The following SLC9C1 variants were observed in gnomAD, a reference collection of about 807,000 sequenced individuals.
The protein encoded by SLC9C1 is solute carrier family 9 member C1, also known as sodium/hydrogen exchanger 10.
In SLC9C1, 97 loss-of-function variants were observed where a neutral mutation model predicts 140.9. The observed-to-expected ratio is 0.69, with a 90% CI of 0.58 to 0.82. The LOEUF (loss-of-function observed/expected upper bound fraction) is 0.82. Among genes scored for constraint, SLC9C1 ranks in the 40% least tolerant of loss-of-function variants. The pLI, the probability that SLC9C1 is intolerant of heterozygous loss-of-function variation, is 0.00. For missense variants in SLC9C1, 1,340 were observed against 1,389.3 expected, an observed-to-expected ratio of 0.96 and a Z score of 0.56; for synonymous variants, 440 against 442.6, an observed-to-expected ratio of 0.99 and a Z score of 0.07.
chr3:112,221,081 A>C (rs775110376), intron 14 of SLC9C1, 47 bp downstream of exon 14: 2 of 1,510,400 alleles, frequency 1.3e-6, no homozygotes, highest in Non-Finnish European at 1.8e-6. Flanking sequence ...GTAATTTCCT[A>C]AATGCTGTGG....
intron 10 of SLC9C1, among the ~76,000 whole-genome samples, chr3:112,249,892 T>C (rs1394653713): frequency 6.6e-6 from 1 of 152,146 alleles, no homozygotes; most frequent in African/African-American, 2.4e-5. Context: ...AACCAACTTC[T>C]GGTTTCATCG....
At position 112,274,889 on chromosome 3, in the gene SLC9C1, A is replaced by G. The variant is rs2080171772; in HGVS notation, c.613+8T>C. On this transcript the variant is annotated splice_region_variant and intron_variant, in intron 6 of 28. Coordinates refer to ENST00000305815, the MANE Select transcript of SLC9C1 (RefSeq NM_183061.3). ...ATGTTGAGAAAAATTTTTTAAAAATATACTTACCTAAGGTATGGTTTCTTT... is the reference window on the plus strand; with the variant it reads ...ATGTTGAGAAAAATTTTTTAAAAATGTACTTACCTAAGGTATGGTTTCTTT... 6.5e-7 allele frequency: 1 copy of G among 1,536,742 alleles called. No individual in the cohort carries two copies. The highest frequency in any genetic ancestry group is 1.4e-5 in the African/African-American group (1 of 71,126).
intron 10 of SLC9C1, among the ~76,000 whole-genome samples, chr3:112,255,617 C>T (rs1460093166): frequency 6.6e-6 from 1 of 151,814 alleles, no homozygotes; most frequent in African/African-American, 2.4e-5. Context: ...ATGAAACGCC[C>T]AAATCAAAAA....
At chr3:112,231,600 G>C (rs2078831323) in intron 12 of SLC9C1, 114 bp from the exon 13 acceptor site, 2 of 990,234 alleles carry the variant, frequency 2.0e-6, no homozygotes, top group Non-Finnish European at 2.9e-6. Flanking sequence ...AGCAAATCTG[G>C]TAGATAAGAA....
chr3:112,283,122 T>C (rs2080404312), intron 2 of SLC9C1, among the ~76,000 whole-genome samples: 1 of 152,136 alleles, frequency 6.6e-6, no homozygotes, highest in African/African-American at 2.4e-5. Context: ...TGATGATCGT[T>C]TTGTCTACAA....
At chr3:112,144,208 C>T (rs773127686) in intron 28 of SLC9C1, among the ~76,000 whole-genome samples, 10 of 134,434 alleles carry the variant, frequency 7.4e-5, no homozygotes, top group Non-Finnish European at 1.1e-4. Flanking sequence ...GACAGAGTCT[C>T]GCACTGTCGC....
At chr3:112,253,064 C>G (rs908223405) in intron 10 of SLC9C1, among the ~76,000 whole-genome samples, 1 of 152,150 alleles carries the variant, frequency 6.6e-6, no homozygotes, top group Admixed American at 6.6e-5. Context: ...AGCATCCTTA[C>G]GAAAAAGTAA....
intron 23 of SLC9C1, among the ~76,000 whole-genome samples, chr3:112,177,014 T>G (rs1353474359): frequency 6.6e-6 from 1 of 150,630 alleles, no homozygotes; most frequent in Non-Finnish European, 1.5e-5. Flanking sequence ...TCTTTTTTTT[T>G]TTTTTTTTTG....
chr3:112,192,377 T>C (rs1423735378), intron 20 of SLC9C1, among the ~76,000 whole-genome samples: 1 of 152,206 alleles, frequency 6.6e-6, no homozygotes, highest in Non-Finnish European at 1.5e-5. Context: ...GACTGGCTTA[T>C]TTCAATTAGC....
chr3:112,172,489 C>A (rs1334038953), intron 23 of SLC9C1, among the ~76,000 whole-genome samples: 3 of 152,016 alleles, frequency 2.0e-5, no homozygotes, highest in African/African-American at 7.2e-5. Flanking sequence ...ATCATGCCAT[C>A]TTGCAGAGAC....
At chr3:112,213,037 A>G (rs944859539) in intron 15 of SLC9C1, among the ~76,000 whole-genome samples, 1 of 152,156 alleles carries the variant, frequency 6.6e-6, no homozygotes, top group Non-Finnish European at 1.5e-5. Context: ...GCAGAAGACA[A>G]TGGGGGCCAA....
intron 2 of SLC9C1, 107 bp from the exon 3 acceptor site, chr3:112,280,890 C>CTTGTTTTCTG (rs1163183264): frequency 3.4e-5 from 29 of 842,786 alleles, no homozygotes; most frequent in Non-Finnish European, 4.3e-5. Flanking sequence ...AGTTTCACTA[C>CTTGTTTTCTG]TTTTCATGAG....
At chr3:112,253,139 C>A (rs1394885756) in intron 10 of SLC9C1, among the ~76,000 whole-genome samples, 1 of 152,194 alleles carries the variant, frequency 6.6e-6, no homozygotes, top group South Asian at 2.1e-4. Flanking sequence ...CAGCACAGAT[C>A]CCGCATTCTG....
At chr3:112,273,402 G>C (rs939130603) in intron 6 of SLC9C1, among the ~76,000 whole-genome samples, 1 of 152,088 alleles carries the variant, frequency 6.6e-6, no homozygotes, top group Non-Finnish European at 1.5e-5. Flanking sequence ...TGAGATTCCA[G>C]GTTCACCACA....
At chr3:112,259,142 G>A (rs1233137185) in intron 10 of SLC9C1, among the ~76,000 whole-genome samples, 1 of 152,124 alleles carries the variant, frequency 6.6e-6, no homozygotes, top group African/African-American at 2.4e-5. Flanking sequence ...ATCATGTCCT[G>A]CAGGAAAATG....
At chr3:112,288,901 T>C (rs1245858776) in intron 1 of SLC9C1, among the ~76,000 whole-genome samples, 1 of 152,154 alleles carries the variant, frequency 6.6e-6, no homozygotes, top group Non-Finnish European at 1.5e-5. Flanking sequence ...TTCTAGTCTG[T>C]GTAATTTCTC....
chr3:112,226,393 A>T (rs374018779), intron 13 of SLC9C1, among the ~76,000 whole-genome samples: 2 of 152,182 alleles, frequency 1.3e-5, no homozygotes, highest in East Asian at 3.8e-4. Context: ...CTGCACTAAG[A>T]GGGAAATTTA....
At chr3:112,292,152 A>T (rs2108381095) in intron 1 of SLC9C1, among the ~76,000 whole-genome samples, 1 of 152,356 alleles carries the variant, frequency 6.6e-6, no homozygotes, top group South Asian at 2.1e-4. Flanking sequence ...CAGGAAAAAT[A>T]ACTAATGGGT....
At chr3:112,150,806 A>T (rs1274711889) in intron 28 of SLC9C1, among the ~76,000 whole-genome samples, 2 of 47,314 alleles carry the variant, frequency 4.2e-5, no homozygotes, top group African/African-American at 8.7e-5. Flanking sequence ...ATATATATAT[A>T]TATAAATACA....
Sources: gnomAD v4.1 joint callset for allele counts (sites outside exome capture counted in the v4.1 genomes callset) on GRCh38, gnomAD v4.1.1 for gene constraint, MANE v1.5 for transcripts, NCBI Gene and HGNC (gene_info 2026-07-23, HGNC 2026-07-21) for gene names.